The following CPQ variants were observed in gnomAD, a reference collection of about 807,000 sequenced individuals.
CPQ encodes Ser-Met dipeptidase.
Under a neutral mutation model 45.7 loss-of-function variants are expected in CPQ, and 37 were observed. The ratio of observed to expected loss-of-function variants is 0.81; its 90% confidence interval spans 0.62 to 1.07. CPQ has a LOEUF of 1.07. Among genes scored for constraint, CPQ ranks in the 50% least tolerant of loss-of-function variants. CPQ has a pLI of 0.00. For missense variants in CPQ, 537 were observed against 572.9 expected (o/e 0.94, Z 0.64); for synonymous variants, 186 against 205.8 (o/e 0.90, Z 0.82).
intron 4 of CPQ, among the ~76,000 whole-genome samples, chr8:96,889,289 C>A (rs1052186126): frequency 1.3e-5 from 2 of 152,020 alleles, no homozygotes; most frequent in South Asian, 2.1e-4. Context: ...GAGTTTAAAC[C>A]AAGACAGTTG....
intron 6 of CPQ, among the ~76,000 whole-genome samples, chr8:97,029,905 T>G (rs906425306): frequency 6.6e-6 from 1 of 152,120 alleles, no homozygotes. Flanking sequence ...TCCAAGTCAT[T>G]GAGTCTGCCA....
chr8:96,804,063 C>T (rs1313770737), intron 2 of CPQ, among the ~76,000 whole-genome samples: 2 of 152,006 alleles, frequency 1.3e-5, no homozygotes, highest in African/African-American at 2.4e-5. Flanking sequence ...AGAGATGTGA[C>T]ATTGAAGGAT....
At chr8:96,863,768 G>A (rs1430266917) in intron 3 of CPQ, among the ~76,000 whole-genome samples, 3 of 152,008 alleles carry the variant, frequency 2.0e-5, no homozygotes, top group Admixed American at 6.6e-5. Flanking sequence ...GTAGCTGCAC[G>A]CCAAAGTGTC....
chr8:96,874,169 C>T lies in CPQ; in HGVS notation c.642-5629C>T, dbSNP rs998967111. 2.5e-4 allele frequency among the ~76,000 whole-genome samples: 38 copies of T among 151,914 alleles called. 2 individuals are homozygous for T. The highest frequency in any genetic ancestry group is 2.0e-3 in the Admixed American group (31 of 15,224). On this transcript the variant is annotated intron_variant, in intron 3 of 7. Transcript: ENST00000220763. ...GGGTGTACTATCTTGCAAGCACAAACACCAGCAGGCTTTGCTTTTACACAT... is the reference window on the plus strand; with the variant it reads ...GGGTGTACTATCTTGCAAGCACAAATACCAGCAGGCTTTGCTTTTACACAT...
At chr8:96,787,971 A>G (rs909543748) in intron 2 of CPQ, among the ~76,000 whole-genome samples, 6 of 151,934 alleles carry the variant, frequency 3.9e-5, no homozygotes, top group African/African-American at 9.7e-5. Flanking sequence ...CTGAGCCTTT[A>G]TTCATCTTTA....
intron 3 of CPQ, among the ~76,000 whole-genome samples, chr8:96,854,517 C>A (rs1259351340): frequency 2.3e-5 from 1 of 44,220 alleles, no homozygotes; most frequent in Non-Finnish European, 3.9e-5. Flanking sequence ...GGCGACAGAG[C>A]GAGACTCCGT....
At chr8:96,886,010 T>C (rs1215391840) in intron 4 of CPQ, among the ~76,000 whole-genome samples, 1 of 152,036 alleles carries the variant, frequency 6.6e-6, no homozygotes, top group Non-Finnish European at 1.5e-5. Context: ...GAAAATACTT[T>C]ATTGGGTTTC....
intron 5 of CPQ, among the ~76,000 whole-genome samples, chr8:97,012,198 C>T (rs148600154): frequency 1.0e-3 from 159 of 152,212 alleles, no homozygotes; most frequent in East Asian, 5.6e-3. Flanking sequence ...GCAATGATTG[C>T]GGCATTTAAT....
chr8:97,038,825 C>CAA (rs35739621), intron 6 of CPQ, among the ~76,000 whole-genome samples: 16 of 91,848 alleles, frequency 1.7e-4, no homozygotes, highest in South Asian at 4.1e-4. Context: ...ACCGTATTTA[C>CAA]AAAAAAAAAA....
chr8:96,818,200 A>G (rs1811255090), intron 2 of CPQ, among the ~76,000 whole-genome samples: 1 of 151,830 alleles, frequency 6.6e-6, no homozygotes, highest in Admixed American at 6.6e-5. Context: ...GCACCCATAT[A>G]AGAAGAGAAA....
chr8:97,054,894 A>C (rs1438002121), intron 6 of CPQ, among the ~76,000 whole-genome samples: 1 of 152,226 alleles, frequency 6.6e-6, no homozygotes, highest in African/African-American at 2.4e-5. Flanking sequence ...ATGTGACCAA[A>C]AAACCACTGT....
At chr8:96,866,998 A>G (rs1001858291) in intron 3 of CPQ, among the ~76,000 whole-genome samples, 3 of 152,232 alleles carry the variant, frequency 2.0e-5, no homozygotes, top group African/African-American at 7.2e-5. Flanking sequence ...TTTTACATCA[A>G]CTAAATACTG....
chr8:97,024,463 A>G (rs1252706369), intron 5 of CPQ, among the ~76,000 whole-genome samples: 3 of 152,188 alleles, frequency 2.0e-5, no homozygotes, highest in African/African-American at 2.4e-5. Context: ...TTATATTTAC[A>G]TAACTAAGAA....
chr8:97,060,510 G>C (rs1042760984), intron 6 of CPQ, among the ~76,000 whole-genome samples: 1 of 152,120 alleles, frequency 6.6e-6, no homozygotes, highest in Non-Finnish European at 1.5e-5. Flanking sequence ...AGTTTTCATG[G>C]CTCCTAATAA....
intron 6 of CPQ, among the ~76,000 whole-genome samples, chr8:97,061,940 T>G (rs1018843468): frequency 3.9e-5 from 6 of 152,122 alleles, no homozygotes; most frequent in Non-Finnish European, 7.4e-5. Context: ...CCAGTCTGGA[T>G]CATTCAGAAG....
intron 5 of CPQ, 124 bp from the exon 6 acceptor site, chr8:97,029,279 C>G (rs569911877): frequency 2.3e-6 from 2 of 876,016 alleles, no homozygotes; most frequent in African/African-American, 1.7e-5. Flanking sequence ...GACAACCACA[C>G]CAGTGAGAGT....
chr8:96,837,931 CA>C (rs1198408883), intron 3 of CPQ, among the ~76,000 whole-genome samples: 1 of 152,176 alleles, frequency 6.6e-6, no homozygotes, highest in Non-Finnish European at 1.5e-5. Flanking sequence ...CTCCATTTCC[CA>C]GCATGACTCC....
intron 5 of CPQ, among the ~76,000 whole-genome samples, chr8:96,969,682 G>A (rs1813629655): frequency 6.6e-6 from 1 of 152,140 alleles, no homozygotes; most frequent in Admixed American, 6.5e-5. Flanking sequence ...TAGCAGTCTT[G>A]GGATTATAGG....
chr8:97,140,263 G>C (rs139889908), intron 7 of CPQ, among the ~76,000 whole-genome samples: 1 of 151,994 alleles, frequency 6.6e-6, no homozygotes, highest in East Asian at 1.9e-4. Context: ...AGTTAAAATT[G>C]TTATCATAAA....
Sources: allele counts gnomAD v4.1 joint callset (sites outside exome capture counted in the v4.1 genomes callset), GRCh38; gene constraint gnomAD v4.1.1; transcripts MANE v1.5; gene names NCBI Gene and HGNC (gene_info 2026-07-23, HGNC 2026-07-21).